The following DDX10 variants were observed in gnomAD, a reference collection of about 807,000 sequenced individuals.
The protein encoded by DDX10 is DEAD-box helicase 10, also known as probable ATP-dependent RNA helicase DDX10.
Under a neutral mutation model 104.3 loss-of-function variants are expected in DDX10, and 74 were observed. The observed-to-expected ratio is 0.71, with a 90% confidence interval of 0.59 to 0.86. DDX10 has a LOEUF of 0.86. Ranked by LOEUF, DDX10 falls within the 40% of genes least tolerant of loss-of-function variation. The pLI is 0.00. For synonymous variants in DDX10, 351 were observed against 353.4 expected (o/e 0.99, Z 0.08); for missense variants, 952 against 1,040.0 (o/e 0.92, Z 1.16).
chr11:108,782,143 A>G (rs973803389), intron 13 of DDX10, among the ~76,000 whole-genome samples: 9 of 152,204 alleles, frequency 5.9e-5, no homozygotes, highest in Non-Finnish European at 8.8e-5. Context: ...GATGACTTTG[A>G]TATGTCAGAC....
In DDX10 at chr11:108,936,890, A is replaced by G. The variant is rs371074898; in HGVS notation, c.2451-3356A>G. 3.9e-5 allele frequency among the ~76,000 whole-genome samples: 6 copies of G among 152,338 alleles called. No homozygotes were observed. The East Asian group carries it at 9.6e-4, about 24-fold the overall frequency. ...TACTGCCAAAATGCCCTCAAGAAAG[A>G]TTGTGCCCATTCACTTTTCCACTCA... is the stretch of plus-strand genomic sequence containing the variant. On this transcript the variant is annotated intron_variant, in intron 17 of 17. Transcript: ENST00000322536.
At chr11:108,875,199 G>A (rs77097202) in intron 16 of DDX10, among the ~76,000 whole-genome samples, 3,147 of 152,266 alleles carry the variant, frequency 0.021, 55 homozygotes, top group Non-Finnish European at 0.031. Flanking sequence ...TAAAGGAAAA[G>A]AGACTGGCTG....
intron 13 of DDX10, among the ~76,000 whole-genome samples, chr11:108,787,039 G>C (rs190982848): frequency 1.3e-5 from 2 of 152,214 alleles, no homozygotes; most frequent in East Asian, 3.9e-4. Context: ...AGGCTGGTGT[G>C]GTAATGAATT....
intron 16 of DDX10, among the ~76,000 whole-genome samples, chr11:108,903,793 G>A (rs942856575): frequency 3.3e-5 from 5 of 152,082 alleles, no homozygotes; most frequent in Non-Finnish European, 5.9e-5. Context: ...CATCGTATGG[G>A]TAGCCCACAT....
At chr11:108,886,548 T>G (rs1338350688) in intron 16 of DDX10, among the ~76,000 whole-genome samples, 1 of 152,200 alleles carries the variant, frequency 6.6e-6, no homozygotes. Flanking sequence ...TAAAAGGCCT[T>G]TTGAATTTTG....
At position 108,695,969 on chromosome 11, in the gene DDX10, G is replaced by T. The variant is rs935247827; in HGVS notation, c.1223+2369G>T. On this transcript the variant is annotated intron_variant, in intron 9 of 17. Coordinates refer to ENST00000322536, the MANE Select transcript of DDX10 (RefSeq NM_004398.4). ...AATAAGTCTTTTAATTGCAATTAAT[G>T]ATGTAGTTTTAAACAAGCAATGCAG... Among the ~76,000 whole-genome samples the T allele has an allele frequency of 2.0e-5, 3 of 152,112 alleles. No individual in the cohort carries two copies. The South Asian group carries it at 6.2e-4, about 32-fold the overall frequency.
chr11:108,783,233 A>T lies in DDX10; in HGVS notation c.1966-55213A>T, dbSNP rs550942061. ...GTCATCTTTATACATCAAGTGCCTA[A>T]TGTAGAATTTAGCTTTAATGGAAGC... On this transcript the variant is annotated intron_variant, in intron 13 of 17. Transcript: ENST00000322536. Among the ~76,000 whole-genome samples the T allele has an allele frequency of 3.3e-5, 5 of 152,332 alleles. No homozygotes were observed. In the South Asian group the frequency reaches 1.0e-3, roughly 32 times the overall value.
Position 108,835,793 on chromosome 11 carries a change from T to C in DDX10, c.1966-2653T>C, listed in dbSNP as rs73558631. On this transcript the variant is annotated intron_variant, in intron 13 of 17. Transcript: ENST00000322536. The stretch of plus-strand genomic sequence containing the variant: ...GTGCAGATGAAGGGATAGTCCCTGC[T>C]TGGCCAATCCAGGGTACTTTTCCTT... 6.9e-3 allele frequency among the ~76,000 whole-genome samples: 1,055 copies of C among 152,098 alleles called. 7 individuals are homozygous for C. Among genetic ancestry groups the C allele is most frequent in the African/African-American group, 0.024 (988 of 41,462 alleles).
chr11:108,729,542 AAAAAC>A (rs1245193261), intron 13 of DDX10, among the ~76,000 whole-genome samples: 2 of 152,206 alleles, frequency 1.3e-5, no homozygotes, highest in Non-Finnish European at 2.9e-5. Context: ...TCAGAGTGAA[AAAAAC>A]AAAACAAGGA....
At chr11:108,918,066 CA>C in intron 17 of DDX10, 48 bp downstream of exon 17, 1 of 1,567,970 alleles carries the variant, frequency 6.4e-7, no homozygotes, top group Non-Finnish European at 8.8e-7. Context: ...ACTCTCACAT[CA>C]GTCTTTTAAT....
chr11:108,809,376 T>C (rs1173036910), intron 13 of DDX10, among the ~76,000 whole-genome samples: 1 of 152,190 alleles, frequency 6.6e-6, no homozygotes, highest in African/African-American at 2.4e-5. Context: ...CCATGTGTGT[T>C]GGTTGACTTT....
At chr11:108,765,589 A>G (rs1259569283) in intron 13 of DDX10, among the ~76,000 whole-genome samples, 2 of 152,234 alleles carry the variant, frequency 1.3e-5, no homozygotes, top group African/African-American at 4.8e-5. Context: ...TGACAACCTC[A>G]TATTAAATTC....
intron 13 of DDX10, among the ~76,000 whole-genome samples, chr11:108,727,325 CTTAA>C (rs1363340306): frequency 1.6e-4 from 25 of 152,012 alleles, no homozygotes; most frequent in South Asian, 4.1e-4. Flanking sequence ...TGATTTCTTT[CTTAA>C]TTTGTGTATA....
At chr11:108,828,553 T>A (rs4754357) in intron 13 of DDX10, among the ~76,000 whole-genome samples, 77,409 of 151,552 alleles carry the variant, frequency 0.51, 20,985 homozygotes, top group Non-Finnish European at 0.61. Context: ...TTGTTTTTTG[T>A]TTTTTGAGAC....
chr11:108,729,899 A>G (rs2094309942), intron 13 of DDX10: 2 of 152,452 alleles, frequency 1.3e-5, no homozygotes, highest in African/African-American at 4.8e-5. Flanking sequence ...CTTCCCAACT[A>G]CTAGTAAGCT....
chr11:108,670,427 A>G (rs529804949), intron 1 of DDX10, among the ~76,000 whole-genome samples: 4 of 152,328 alleles, frequency 2.6e-5, no homozygotes, highest in South Asian at 2.1e-4. Flanking sequence ...AGATTCAGCC[A>G]GGCTGATGGG....
At chr11:108,713,018 A>G (rs2094286556) in intron 10 of DDX10, among the ~76,000 whole-genome samples, 1 of 152,088 alleles carries the variant, frequency 6.6e-6, no homozygotes, top group Non-Finnish European at 1.5e-5. Flanking sequence ...ATGGTGTCTG[A>G]GAAATCAGGT....
intron 16 of DDX10, among the ~76,000 whole-genome samples, chr11:108,891,567 C>G (rs930093922): frequency 2.6e-5 from 4 of 152,138 alleles, no homozygotes; most frequent in Non-Finnish European, 5.9e-5. Flanking sequence ...AAAAAGAAGA[C>G]TTCTCAAAAA....
chr11:108,848,939 T>C (rs1025265324), intron 15 of DDX10, among the ~76,000 whole-genome samples: 1 of 152,206 alleles, frequency 6.6e-6, no homozygotes, highest in African/African-American at 2.4e-5. Context: ...ACCATGTGGC[T>C]CGGTAAATAT....
Sources: gnomAD v4.1 joint callset for allele counts (sites outside exome capture counted in the v4.1 genomes callset) on GRCh38, gnomAD v4.1.1 for gene constraint, MANE v1.5 for transcripts, NCBI Gene and HGNC (gene_info 2026-07-23, HGNC 2026-07-21) for gene names.